Variants in GREM2 observed in about 807,000 individuals in gnomAD.
GREM2 encodes gremlin-2.
GREM2 carries 11 observed loss-of-function variants against 14.2 expected under a neutral mutation model. The observed-to-expected ratio is 0.78, with a 90% CI of 0.49 to 1.28. The LOEUF is 1.28. Among genes scored for constraint, GREM2 ranks in the 50% most tolerant of loss-of-function variants. The pLI, the probability that GREM2 is intolerant of heterozygous loss-of-function variation, is 0.00. For missense variants in GREM2, 210 were observed against 218.5 expected, an observed-to-expected ratio of 0.96 and a Z score of 0.24; for synonymous variants, 98 against 97.6, an observed-to-expected ratio of 1.00 and a Z score of -0.02.
intron 1 of GREM2, among the ~76,000 whole-genome samples, chr1:240,529,272 ATG>A (rs1491310697): frequency 4.0e-4 from 27 of 67,326 alleles, no homozygotes; most frequent in East Asian, 2.3e-3. Flanking sequence ...GCCTATGATT[ATG>A]TTTTTTTTTT....
chr1:240,610,534 A>T (rs1680112507), intron 1 of GREM2, among the ~76,000 whole-genome samples: 1 of 152,236 alleles, frequency 6.6e-6, no homozygotes, highest in Admixed American at 6.5e-5. Context: ...AAAAAGGTCG[A>T]TATAAATTCT....
intron 1 of GREM2, among the ~76,000 whole-genome samples, chr1:240,532,640 T>TATATATAG (rs1553274800): frequency 3.5e-4 from 37 of 104,278 alleles, no homozygotes; most frequent in African/African-American, 1.1e-3. Flanking sequence ...AAGAGATATA[T>TATATATAG]ATAGATAGAT....
At chr1:240,552,357 G>A (rs914566613) in intron 1 of GREM2, among the ~76,000 whole-genome samples, 1 of 152,124 alleles carries the variant, frequency 6.6e-6, no homozygotes, top group African/African-American at 2.4e-5. Context: ...GAGGTGGGGG[G>A]GTCGCTTAAG....
At chr1:240,587,412 C>T (rs528575362) in intron 1 of GREM2, among the ~76,000 whole-genome samples, 4 of 151,062 alleles carry the variant, frequency 2.6e-5, no homozygotes, top group East Asian at 2.0e-4. Context: ...ACCTCACCCT[C>T]GCAGGTTCAA....
intron 1 of GREM2, among the ~76,000 whole-genome samples, chr1:240,591,712 C>T (rs571117149): frequency 7.9e-5 from 12 of 152,228 alleles, no homozygotes; most frequent in Non-Finnish European, 1.8e-4. Flanking sequence ...GGTCATAAGT[C>T]ACGACTTGCT....
At chr1:240,513,576 A>C (rs1381006875) in intron 1 of GREM2, among the ~76,000 whole-genome samples, 1 of 15,428 alleles carries the variant, frequency 6.5e-5, no homozygotes, top group Non-Finnish European at 1.1e-4. Context: ...CTCCATCTAC[A>C]AAAAAAAAAA....
intron 1 of GREM2, among the ~76,000 whole-genome samples, chr1:240,549,556 T>C (rs1678804399): frequency 6.6e-6 from 1 of 151,998 alleles, no homozygotes. Flanking sequence ...AAAAAACCGG[T>C]GCATCTGAAA....
chr1:240,573,454 T>C (rs925221248), intron 1 of GREM2, among the ~76,000 whole-genome samples: 1 of 152,224 alleles, frequency 6.6e-6, no homozygotes, highest in Non-Finnish European at 1.5e-5. Context: ...AATTTTGATA[T>C]TTTGTTCACC....
At chr1:240,541,173 A>G (rs1678578875) in intron 1 of GREM2, among the ~76,000 whole-genome samples, 2 of 152,190 alleles carry the variant, frequency 1.3e-5, no homozygotes, top group Non-Finnish European at 2.9e-5. Context: ...CACCGTTCTT[A>G]AAAGTCTGAG....
chr1:240,564,871 G>C (rs1679145512), intron 1 of GREM2, among the ~76,000 whole-genome samples: 2 of 152,194 alleles, frequency 1.3e-5, no homozygotes, highest in South Asian at 2.1e-4. Context: ...TTGAGTTGGA[G>C]CTACGTTTTC....
intron 1 of GREM2, among the ~76,000 whole-genome samples, chr1:240,598,660 T>C (rs1679864702): frequency 2.0e-5 from 3 of 152,290 alleles, no homozygotes; most frequent in South Asian, 4.1e-4. Context: ...TTCCCTGGCC[T>C]AATTACTCAA....
intron 1 of GREM2, among the ~76,000 whole-genome samples, chr1:240,579,028 G>A (rs1383228360): frequency 6.6e-6 from 1 of 152,132 alleles, no homozygotes; most frequent in East Asian, 1.9e-4. Flanking sequence ...TTCTAGGTCA[G>A]AAGATGCTTT....
At chr1:240,522,274 T>C (rs954122182) in intron 1 of GREM2, among the ~76,000 whole-genome samples, 7 of 152,150 alleles carry the variant, frequency 4.6e-5, no homozygotes, top group African/African-American at 1.7e-4. Context: ...GAAACGTGAA[T>C]GCCAGGGAAA....
chr1:240,533,375 T>C (rs1399695843), intron 1 of GREM2, among the ~76,000 whole-genome samples: 1 of 152,200 alleles, frequency 6.6e-6, no homozygotes, highest in African/African-American at 2.4e-5. Context: ...TAGGTCTCTG[T>C]AGCTAAAGCA....
At chr1:240,521,537 C>G (rs950221246) in intron 1 of GREM2, among the ~76,000 whole-genome samples, 12 of 152,038 alleles carry the variant, frequency 7.9e-5, no homozygotes, top group East Asian at 3.9e-4. Context: ...CACCACTGCA[C>G]TCCAGCCTGG....
At chr1:240,565,901 A>G (rs1004326682) in intron 1 of GREM2, among the ~76,000 whole-genome samples, 2 of 151,636 alleles carry the variant, frequency 1.3e-5, no homozygotes, top group African/African-American at 2.4e-5. Context: ...TATTTATTGT[A>G]TCTTCCATAA....
chr1:240,595,354 T>G (rs923265602), intron 1 of GREM2, among the ~76,000 whole-genome samples: 1 of 152,098 alleles, frequency 6.6e-6, no homozygotes, highest in East Asian at 1.9e-4. Context: ...AGTATGTGCT[T>G]TCTTCATTAC....
rs192245093 is a variant in GREM2, at chr1:240,605,157, T to C, written c.-2+6727A>G. 6.6e-5 allele frequency among the ~76,000 whole-genome samples: 10 copies of C among 152,302 alleles called. No homozygotes were observed. The East Asian group carries it at 1.9e-3, about 29-fold the overall frequency. On this transcript the variant is annotated intron_variant, in intron 1 of 1. Coordinates refer to ENST00000318160, the MANE Select transcript of GREM2 (RefSeq NM_022469.4). ...TAGGATGGATGCGTCAGGTTATAAA[T>C]GACCCTGTTTCCTTTGTTCAGTGTA... is the stretch of plus-strand genomic sequence containing the variant.
At chr1:240,501,162 G>T (rs895392629) in intron 1 of GREM2, among the ~76,000 whole-genome samples, 1 of 152,162 alleles carries the variant, frequency 6.6e-6, no homozygotes, top group African/African-American at 2.4e-5. Context: ...TACCCGAAGT[G>T]AGAGAAATTA....
Sources: allele counts gnomAD v4.1 joint callset (sites outside exome capture counted in the v4.1 genomes callset), GRCh38; gene constraint gnomAD v4.1.1; transcripts MANE v1.5; gene names NCBI Gene and HGNC (gene_info 2026-07-23, HGNC 2026-07-21).